The following EMC7 variants were observed in gnomAD, a reference collection of about 807,000 sequenced individuals.
EMC7 encodes the protein ER membrane protein complex subunit 7.
EMC7 carries 4 observed loss-of-function variants against 24.4 expected under a neutral mutation model. The ratio of observed to expected loss-of-function variants is 0.16; its 90% CI spans 0.08 to 0.38. EMC7 has a LOEUF of 0.38. EMC7 is among the 10% of genes least tolerant of loss of function. The pLI is 1.00. For missense variants in EMC7, 221 were observed against 300.6 expected, an observed-to-expected ratio of 0.74 and a Z score of 1.96; for synonymous variants, 106 against 112.0, an observed-to-expected ratio of 0.95 and a Z score of 0.34.
chr15:34,098,083 A>G (rs927517347), intron 1 of EMC7, among the ~76,000 whole-genome samples: 1 of 152,118 alleles, frequency 6.6e-6, no homozygotes, highest in African/African-American at 2.4e-5. Context: ...TTTGCCCTCT[A>G]GATCCACTCT....
intron 2 of EMC7, among the ~76,000 whole-genome samples, chr15:34,092,480 C>G (rs1900993337): frequency 6.6e-6 from 1 of 152,046 alleles, no homozygotes; most frequent in African/African-American, 2.4e-5. Flanking sequence ...TCCTGAGTAG[C>G]TGGAATTACA....
chr15:34,090,247 G>C, intron 3 of EMC7, 70 bp downstream of exon 3: 1 of 1,470,690 alleles, frequency 6.8e-7, no homozygotes. Context: ...TCTCACAGAG[G>C]TTTGAAGTTT....
intron 2 of EMC7, among the ~76,000 whole-genome samples, chr15:34,093,823 A>ATATATATATATATATAT (rs1190830993): frequency 6.2e-5 from 3 of 48,706 alleles, no homozygotes; most frequent in Admixed American, 2.7e-4. Context: ...ATATATATAT[A>ATATATATATATATATAT]TTTTTTTTTT....
intron 3 of EMC7, among the ~76,000 whole-genome samples, chr15:34,090,108 A>G (rs1900955077): frequency 6.6e-6 from 1 of 152,250 alleles, no homozygotes; most frequent in African/African-American, 2.4e-5. Flanking sequence ...ACACATTTCA[A>G]TAATCAAATC....
Position 34,093,806 on chromosome 15 carries a change from C to T in EMC7, c.356+2089G>A, listed in dbSNP as rs11856191. Among the ~76,000 whole-genome samples the T allele has an allele frequency of 2.4e-3, 72 of 30,248 alleles. No homozygotes were observed. The South Asian group carries it at 0.037, about 16-fold the overall frequency. The allele number at this position is 30,248 out of a possible 152,430, so 19.8% of individuals were successfully genotyped here. On this transcript the variant is annotated intron_variant, in intron 2 of 4. Transcript: ENST00000256545. ...ATACACACACACACACACACACACA[C>T]ATATATATATATATATATTTTTTTT...
intron 1 of EMC7, among the ~76,000 whole-genome samples, chr15:34,096,825 T>C (rs1220371127): frequency 6.6e-6 from 1 of 151,114 alleles, no homozygotes; most frequent in Non-Finnish European, 1.5e-5. Flanking sequence ...CCATCTCTAC[T>C]AAAAATACAA....
At chr15:34,099,028 A>T (rs10775220) in intron 1 of EMC7, among the ~76,000 whole-genome samples, 150,544 of 152,230 alleles carry the variant, frequency 0.99, 74,462 homozygotes, top group Middle Eastern at 1. Context: ...ATTTTTGAGA[A>T]AACTGAGGAA....
Position 34,096,132 on chromosome 15 carries a change from C to G in EMC7, c.237-118G>C, listed in dbSNP as rs572993319. On this transcript the variant is annotated intron_variant, in intron 1 of 4. Coordinates refer to ENST00000256545, the MANE Select transcript of EMC7 (RefSeq NM_020154.3). ...ACATTAAAAGCAACGGGCAAACAAA[C>G]AAACAAAACCTTGGCGAAAGTTGTC... The G allele has an allele frequency of 1.4e-4, 167 of 1,188,898 alleles. No homozygotes were observed. The African/African-American group carries it at 2.2e-3, about 16-fold the overall frequency. 73.6% of individuals were successfully genotyped at this position (1,188,898 alleles called of 1,614,324 possible).
In EMC7 at chr15:34,084,066, G is replaced by A. The variant is rs1437165629; in HGVS notation, c.*268C>T. 6 of 320,170 alleles carry A rather than the reference G, an allele frequency of 1.9e-5. No homozygotes were observed. The highest frequency in any genetic ancestry group is 2.3e-5 in the Non-Finnish European group (4 of 177,232). The allele number at this position is 320,170 out of a possible 1,614,324, so 19.8% of individuals were successfully genotyped here. ...TAATTAATATACATAATGTATAGTAGTTCATATAATTTATTAATGGCATTT... is the reference window on the plus strand; with the variant it reads ...TAATTAATATACATAATGTATAGTAATTCATATAATTTATTAATGGCATTT... On this transcript the variant is annotated 3_prime_UTR_variant, in exon 5 of 5. Transcript: ENST00000256545.
chr15:34,098,548 TG>T (rs1221094298), intron 1 of EMC7, among the ~76,000 whole-genome samples: 2 of 149,998 alleles, frequency 1.3e-5, no homozygotes, highest in Non-Finnish European at 3.0e-5. Context: ...CTCCGCCTCC[TG>T]GGTTTAAGTG....
At chr15:34,090,221 T>C in intron 3 of EMC7, 96 bp downstream of exon 3, 4 of 1,262,934 alleles carry the variant, frequency 3.2e-6, no homozygotes, top group Non-Finnish European at 3.2e-6. Context: ...TCCACCAATC[T>C]GACCTCAGCT....
Position 34,084,465 on chromosome 15 carries a change from T to C in EMC7, c.598A>G (p.Met200Val). 2 of 1,613,502 alleles carry C rather than the reference T, an allele frequency of 1.2e-6. No homozygotes were observed. The highest frequency in any genetic ancestry group is 2.2e-5 in the South Asian group (2 of 91,018). Residue 200 changes from methionine to valine, a missense_variant, in exon 5 of 5, where the codon ATG (methionine) becomes GTG (valine). By Grantham distance (21) the Met-to-Val change is conservative. Transcript: ENST00000256545. ...GGCAACTCATGGTTGGAATTCAGCATATTCATTGACTGCTCCATTTCCTGC... is the reference window on the plus strand; with the variant it reads ...GGCAACTCATGGTTGGAATTCAGCACATTCATTGACTGCTCCATTTCCTGC... ...MRREMEQSMN[M>V]LNSNHELPDV...
At chr15:34,097,175 A>G (rs1404268244) in intron 1 of EMC7, among the ~76,000 whole-genome samples, 1 of 151,574 alleles carries the variant, frequency 6.6e-6, no homozygotes, top group Non-Finnish European at 1.5e-5. Context: ...CTGGGACTAC[A>G]GGCGCCCTCC....
At chr15:34,093,806 C>CACACACGCACATAT (rs61440619) in intron 2 of EMC7, among the ~76,000 whole-genome samples, 4 of 30,254 alleles carry the variant, frequency 1.3e-4, no homozygotes, top group Admixed American at 4.3e-4. Context: ...CACACACACA[C>CACACACGCACATAT]ATATATATAT....
chr15:34,093,823 A>ATATATATATTTTTTTTTTT (rs1190830993), intron 2 of EMC7, among the ~76,000 whole-genome samples: 3 of 48,702 alleles, frequency 6.2e-5, no homozygotes, highest in African/African-American at 3.3e-4. Context: ...ATATATATAT[A>ATATATATATTTTTTTTTTT]TTTTTTTTTT....
chr15:34,093,806 C>CACACACACACATATATATATAT lies in EMC7; in HGVS notation c.356+2088_356+2089insATATATATATATGTGTGTGTGT, dbSNP rs61440619. On this transcript the variant is annotated intron_variant, in intron 2 of 4. Transcript: ENST00000256545. ...ATACACACACACACACACACACACA[C>CACACACACACATATATATATAT]ATATATATATATATATATTTTTTTT... Among the ~76,000 whole-genome samples the CACACACACACATATATATATAT allele has an allele frequency of 5.3e-3, 158 of 30,072 alleles. 2 individuals are homozygous for CACACACACACATATATATATAT. Among genetic ancestry groups the CACACACACACATATATATATAT allele is most frequent in the Non-Finnish European group, 9.8e-3 (124 of 12,670 alleles). The allele number at this position is 30,072 out of a possible 152,430, so 19.7% of individuals were successfully genotyped here. A position where few individuals can be genotyped will look rare whatever the true frequency, so the allele number is the denominator to read the frequency against.
At chr15:34,091,874 C>T (rs899900485) in intron 2 of EMC7, among the ~76,000 whole-genome samples, 4 of 152,118 alleles carry the variant, frequency 2.6e-5, no homozygotes, top group African/African-American at 9.7e-5. Context: ...AGAAAATGTT[C>T]GTCATATTTT....
chr15:34,084,199 G>T lies in EMC7; in HGVS notation c.*135C>A. 1 of 1,125,140 alleles carries T rather than the reference G, an allele frequency of 8.9e-7. No individual in the cohort carries two copies. The highest frequency in any genetic ancestry group is 1.2e-6 in the Non-Finnish European group (1 of 811,934). The allele number at this position is 1,125,140 out of a possible 1,614,324, so 69.7% of individuals were successfully genotyped here. ...CCAAGTACAAAACATGTGCTAAAAA[G>T]TTAACATACACAGTTGTAAGAGATC... On this transcript the variant is annotated 3_prime_UTR_variant, in exon 5 of 5. Coordinates refer to ENST00000256545, the MANE Select transcript of EMC7 (RefSeq NM_020154.3).
At chr15:34,093,718 C>T (rs962320580) in intron 2 of EMC7, among the ~76,000 whole-genome samples, 4 of 146,742 alleles carry the variant, frequency 2.7e-5, no homozygotes, top group African/African-American at 1.0e-4. Context: ...TACAAAAAGT[C>T]ATGAATAAGT....
Sources: allele counts gnomAD v4.1 joint callset (sites outside exome capture counted in the v4.1 genomes callset), GRCh38; gene constraint gnomAD v4.1.1; transcripts MANE v1.5; gene names NCBI Gene and HGNC (gene_info 2026-07-23, HGNC 2026-07-21).